GALNS: variants seen among roughly 807,000 people sequenced by gnomAD.
The protein encoded by GALNS is N-acetylgalactosamine-6-sulfatase.
Under a neutral mutation model 65.9 loss-of-function variants are expected in GALNS, and 65 were observed. The ratio of observed to expected loss-of-function variants is 0.99; its 90% CI spans 0.81 to 1.21. GALNS has a LOEUF of 1.21. GALNS is among the 50% of genes most tolerant of loss of function. The pLI, the probability that GALNS is intolerant of heterozygous loss-of-function variation, is 0.00. For missense variants in GALNS, 776 were observed against 700.7 expected, an observed-to-expected ratio of 1.11 and a Z score of -1.21; for synonymous variants, 346 against 288.9, an observed-to-expected ratio of 1.20 and a Z score of -2.00.
intron 9 of GALNS, among the ~76,000 whole-genome samples, chr16:88,828,345 G>A (rs1461882141): frequency 6.6e-6 from 1 of 152,262 alleles, no homozygotes; most frequent in Non-Finnish European, 1.5e-5. Flanking sequence ...AACTCTCCAG[G>A]CAGCGATGCC....
intron 9 of GALNS, among the ~76,000 whole-genome samples, chr16:88,827,666 G>A (rs138257998): frequency 2.4e-4 from 36 of 152,208 alleles, no homozygotes; most frequent in Middle Eastern, 6.8e-3. Flanking sequence ...GGCTGGTCTC[G>A]AACTCCCAAC....
chr16:88,844,812 T>C (rs2143006617), intron 1 of GALNS: 1 of 152,378 alleles, frequency 6.6e-6, no homozygotes, highest in East Asian at 1.9e-4. Context: ...CATCAGCAAA[T>C]GCATTATGTA....
chr16:88,830,406 C>T (rs959904366), intron 9 of GALNS, among the ~76,000 whole-genome samples: 3 of 152,114 alleles, frequency 2.0e-5, no homozygotes, highest in Non-Finnish European at 2.9e-5. Context: ...GCTGGCCCCA[C>T]GCACGTCTTC....
At chr16:88,815,769 G>C (rs1357996967) in intron 13 of GALNS, 1 of 985,416 alleles carries the variant, frequency 1.0e-6, no homozygotes, top group Admixed American at 6.1e-5. Flanking sequence ...CTGCCCCCTT[G>C]GCCACCAGAG....
chr16:88,840,782 T>C, intron 4 of GALNS: 1 of 604,948 alleles, frequency 1.7e-6, no homozygotes, highest in Non-Finnish European at 3.0e-6. Context: ...CTCGCGGCCG[T>C]GGGACCAGCC....
chr16:88,829,305 G>A (rs1391768807), intron 9 of GALNS, among the ~76,000 whole-genome samples: 1 of 152,194 alleles, frequency 6.6e-6, no homozygotes, highest in Admixed American at 6.5e-5. Context: ...TCAGGGGAGT[G>A]GAGGGGGCGG....
intron 9 of GALNS, among the ~76,000 whole-genome samples, chr16:88,830,636 G>A (rs186747123): frequency 4.0e-4 from 61 of 152,360 alleles, no homozygotes; most frequent in African/African-American, 1.4e-3. Flanking sequence ...TGGCTCAAGT[G>A]CCTGTTACAG....
chr16:88,855,340 AAAG>A (rs147521990), intron 1 of GALNS: 14,037 of 700,616 alleles, frequency 0.02, 213 homozygotes, highest in Non-Finnish European at 0.029. Flanking sequence ...TACACAATGA[AAAG>A]AAGAAATTCT....
chr16:88,834,465 C>CT (rs1479516068), intron 8 of GALNS, among the ~76,000 whole-genome samples: 3 of 94,036 alleles, frequency 3.2e-5, no homozygotes, highest in East Asian at 4.1e-4. Flanking sequence ...TAGGGCCCCC[C>CT]CCGTGTGGTC....
chr16:88,816,347 G>A (rs893917826), intron 13 of GALNS: 1 of 985,330 alleles, frequency 1.0e-6, no homozygotes, highest in Non-Finnish European at 1.2e-6. Context: ...CAGAAGGCCA[G>A]GGCTCCTCCA....
intron 1 of GALNS, among the ~76,000 whole-genome samples, chr16:88,850,290 C>G (rs1322863129): frequency 1.3e-5 from 2 of 152,214 alleles, no homozygotes; most frequent in African/African-American, 4.8e-5. Flanking sequence ...ATGTGCCCGA[C>G]CCTCCCTGCA....
intron 12 of GALNS, among the ~76,000 whole-genome samples, chr16:88,820,144 C>G (rs1910053351): frequency 6.7e-6 from 1 of 148,372 alleles, no homozygotes; most frequent in South Asian, 2.2e-4. Flanking sequence ...GTCTTTTTTT[C>G]TTTAGACGGA....
intron 1 of GALNS, among the ~76,000 whole-genome samples, chr16:88,847,744 G>T (rs1239544967): frequency 6.6e-6 from 1 of 152,212 alleles, no homozygotes; most frequent in Non-Finnish European, 1.5e-5. Flanking sequence ...CTGGAAACTG[G>T]AGCCCTCACA....
intron 12 of GALNS, among the ~76,000 whole-genome samples, chr16:88,821,015 G>C (rs565545717): frequency 2.0e-5 from 3 of 152,184 alleles, no homozygotes; most frequent in Non-Finnish European, 4.4e-5. Flanking sequence ...AGCTCCACAA[G>C]GCCCCAAGCT....
intron 1 of GALNS, among the ~76,000 whole-genome samples, chr16:88,848,224 T>G (rs1001377170): frequency 6.6e-6 from 1 of 152,172 alleles, no homozygotes; most frequent in Non-Finnish European, 1.5e-5. Context: ...GGGGCTTCCT[T>G]CCGTGGTGAC....
intron 6 of GALNS, among the ~76,000 whole-genome samples, 156 bp downstream of exon 6, chr16:88,836,045 G>A (rs924657720): frequency 6.9e-6 from 1 of 145,726 alleles, no homozygotes; most frequent in Non-Finnish European, 1.5e-5. Flanking sequence ...CCGTCCCCAC[G>A]CGTCCCACGG....
rs59223444 is a variant in GALNS at position 88,846,509 on chromosome 16, CTTTT to C, written c.121-3684_121-3681del. Among the ~76,000 whole-genome samples the C allele has an allele frequency of 2.8e-4, 25 of 88,704 alleles. No individual in the cohort carries two copies. In the East Asian group the frequency reaches 3.3e-3, roughly 12 times the overall value. 58.2% of individuals were successfully genotyped at this position (88,704 alleles called of 152,430 possible). ...AGACCGAGACAGAATGCGTTTCTGG[CTTTT>C]TTTTTTTTTTTTTTTTTTTTGAGAC... is the stretch of plus-strand genomic sequence containing the variant. On this transcript the variant is annotated intron_variant, in intron 1 of 13. Coordinates refer to ENST00000268695, the MANE Select transcript of GALNS (RefSeq NM_000512.5).
At chr16:88,826,552 C>G (rs956672214) in intron 10 of GALNS, 150 bp downstream of exon 10, 1 of 936,234 alleles carries the variant, frequency 1.1e-6, no homozygotes, top group Non-Finnish European at 1.6e-6. Context: ...CCTCTCGTCT[C>G]AGGCACCCCT....
chr16:88,822,544 C>T (rs766637780), intron 12 of GALNS, 45 bp downstream of exon 12: 65 of 1,609,640 alleles, frequency 4.0e-5, no homozygotes, highest in African/African-American at 2.9e-4. Context: ...TGGGGGAGTC[C>T]GGCTGGCACT....
Sources: gnomAD v4.1 joint callset for allele counts (sites outside exome capture counted in the v4.1 genomes callset) on GRCh38, gnomAD v4.1.1 for gene constraint, MANE v1.5 for transcripts, NCBI Gene and HGNC (gene_info 2026-07-23, HGNC 2026-07-21) for gene names.